SH3BP2: variants seen among roughly 807,000 people sequenced by gnomAD.
SH3BP2 encodes SH3 domain-binding protein 2.
In SH3BP2, 38 loss-of-function variants were observed where a neutral mutation model predicts 56.2. The observed-to-expected ratio is 0.68, with a 90% CI of 0.52 to 0.89. SH3BP2 has a LOEUF of 0.89. Ranked by LOEUF, SH3BP2 falls within the 40% of genes least tolerant of loss-of-function variation. The pLI is 0.00. For synonymous variants in SH3BP2, 346 were observed against 316.7 expected, an observed-to-expected ratio of 1.09 and a Z score of -0.98; for missense variants, 748 against 762.6, an observed-to-expected ratio of 0.98 and a Z score of 0.23.
chr4:2,823,687 C>T, intron 3 of SH3BP2: 1 of 364,416 alleles, frequency 2.7e-6, no homozygotes, highest in Non-Finnish European at 5.5e-6. Context: ...GTTGCTATCC[C>T]ATCGGAGCCC....
At chr4:2,808,060 G>T (rs1723603737) in intron 1 of SH3BP2, among the ~76,000 whole-genome samples, 1 of 152,018 alleles carries the variant, frequency 6.6e-6, no homozygotes, top group Non-Finnish European at 1.5e-5. Context: ...ATTTCCTGGG[G>T]CTGCCCTAAG....
At chr4:2,797,313 G>T (rs1474607621) in intron 1 of SH3BP2, among the ~76,000 whole-genome samples, 2 of 152,198 alleles carry the variant, frequency 1.3e-5, no homozygotes, top group African/African-American at 4.8e-5. Context: ...GGGCAGTGGT[G>T]CGCCTTTACC....
intron 1 of SH3BP2, among the ~76,000 whole-genome samples, chr4:2,805,667 A>C (rs1723504799): frequency 6.6e-6 from 1 of 151,646 alleles, no homozygotes; most frequent in Non-Finnish European, 1.5e-5. Context: ...AAAATGCCAC[A>C]GCGTCGGGGG....
intron 7 of SH3BP2, among the ~76,000 whole-genome samples, chr4:2,828,078 C>T (rs530523370): frequency 1.3e-5 from 2 of 152,236 alleles, no homozygotes; most frequent in East Asian, 3.9e-4. Flanking sequence ...TCCCAGTGTC[C>T]ACCTACCTCC....
rs1351278965 is a variant in SH3BP2 at position 2,829,093 on chromosome 4, G to A, written c.587-400G>A. ...TTCTGGATATGTTCTGAGCAAACAC[G>A]GGCCTTCACCTTCCTCCCAGCTGCT... On this transcript the variant is annotated intron_variant, in intron 7 of 12. Transcript: ENST00000503393. This position sits in a 1 kb window ranked among gnomAD's most constrained non-coding sequence, Gnocchi z 4.9. Among the ~76,000 whole-genome samples the A allele has an allele frequency of 6.6e-6, 1 of 152,088 alleles. No individual in the cohort carries two copies. Among genetic ancestry groups the A allele is most frequent in the Non-Finnish European group, 1.5e-5 (1 of 68,014 alleles).
intron 1 of SH3BP2, among the ~76,000 whole-genome samples, chr4:2,803,126 G>A (rs541564976): frequency 3.3e-5 from 5 of 152,346 alleles, no homozygotes; most frequent in African/African-American, 1.2e-4. Context: ...AAAGGGACAG[G>A]CGGCGCAGGG....
At chr4:2,818,269 G>A (rs1445002048) in intron 1 of SH3BP2, 1 of 1,013,948 alleles carries the variant, frequency 9.9e-7, no homozygotes, top group African/African-American at 1.7e-5. Flanking sequence ...CCGGCGGGAG[G>A]CGGGCGCCCG....
chr4:2,828,085 C>T (rs933060148), intron 7 of SH3BP2, among the ~76,000 whole-genome samples: 3 of 152,150 alleles, frequency 2.0e-5, no homozygotes, highest in South Asian at 2.1e-4. Context: ...GTCCACCTAC[C>T]TCCTGCAGCA....
chr4:2,815,897 G>A (rs1723972730), intron 1 of SH3BP2, among the ~76,000 whole-genome samples: 1 of 152,164 alleles, frequency 6.6e-6, no homozygotes, highest in South Asian at 2.1e-4. Flanking sequence ...CCCAAGGGAG[G>A]GACACAGGAC....
At chr4:2,821,410 T>C (rs1253719076) in intron 2 of SH3BP2, among the ~76,000 whole-genome samples, 1 of 152,184 alleles carries the variant, frequency 6.6e-6, no homozygotes, top group African/African-American at 2.4e-5. Flanking sequence ...ACAGACAGCC[T>C]CCTTGGAGGA....
intron 1 of SH3BP2, among the ~76,000 whole-genome samples, chr4:2,819,991 G>A (rs1724213430): frequency 6.6e-6 from 1 of 152,082 alleles, no homozygotes; most frequent in African/African-American, 2.4e-5. Flanking sequence ...TGATATCCTG[G>A]GCTGGTGGGG....
chr4:2,819,742 G>A (rs1286373274), intron 1 of SH3BP2, among the ~76,000 whole-genome samples: 1 of 152,156 alleles, frequency 6.6e-6, no homozygotes, highest in Admixed American at 6.5e-5. Context: ...TCTTAACCTG[G>A]GTCTTGATGG....
At position 2,833,883 on chromosome 4, in the gene SH3BP2, C is replaced by A; in HGVS notation, c.*49C>A. On this transcript the variant is annotated 3_prime_UTR_variant, in exon 13 of 13. Transcript: ENST00000503393. ...CCAAGGCAGTCACAGGGGCCCTGAC[C>A]CCAGGCCACACAGACGGACATGGGC... The A allele has an allele frequency of 1.3e-6, 2 of 1,524,428 alleles. No homozygotes were observed. Among genetic ancestry groups the A allele is most frequent in the South Asian group, 2.4e-5 (2 of 83,060 alleles). 94.4% of individuals were successfully genotyped at this position (1,524,428 alleles called of 1,614,324 possible).
chr4:2,830,199 C>A (rs1374424993), intron 8 of SH3BP2, 52 bp downstream of exon 8: 4 of 1,534,426 alleles, frequency 2.6e-6, no homozygotes, highest in Admixed American at 1.9e-5. Context: ...GGGACCCTGG[C>A]CTGGCCTCTG....
At chr4:2,819,152 G>A (rs1724164394) in intron 1 of SH3BP2, 1 of 153,028 alleles carries the variant, frequency 6.5e-6, no homozygotes. Context: ...GAACGCCTGA[G>A]CTCAAGTGAT....
At chr4:2,812,105 G>A in intron 1 of SH3BP2, 11 of 1,224,112 alleles carry the variant, frequency 9.0e-6, no homozygotes, top group Non-Finnish European at 1.2e-5. Flanking sequence ...CACAGGATGG[G>A]AGGGCAGGAG....
At chr4:2,808,743 G>T (rs1370443940) in intron 1 of SH3BP2, among the ~76,000 whole-genome samples, 1 of 151,908 alleles carries the variant, frequency 6.6e-6, no homozygotes, top group African/African-American at 2.4e-5. Flanking sequence ...TTCCCTGGGG[G>T]TGCCCGCCTT....
chr4:2,798,325 G>A (rs1197785722), intron 1 of SH3BP2, among the ~76,000 whole-genome samples: 1 of 152,220 alleles, frequency 6.6e-6, no homozygotes, highest in African/African-American at 2.4e-5. Flanking sequence ...CCAGGGCTTT[G>A]GGTCCCAAAG....
At chr4:2,825,101 C>T (rs1221185767) in intron 4 of SH3BP2, 25 bp from the exon 5 acceptor site, 5 of 1,555,804 alleles carry the variant, frequency 3.2e-6, no homozygotes, top group Non-Finnish European at 4.4e-6. Context: ...GGCACCGTGC[C>T]CACCACAGCC....
Sources: gnomAD v4.1 joint callset for allele counts (sites outside exome capture counted in the v4.1 genomes callset) on GRCh38, gnomAD v4.1.1 for gene constraint, Gnocchi (gnomAD v3.1) non-coding constraint, MANE v1.5 for transcripts, NCBI Gene and HGNC (gene_info 2026-07-23, HGNC 2026-07-21) for gene names.